The following ROBO2 variants were observed in gnomAD, a reference collection of about 807,000 sequenced individuals.
The protein encoded by ROBO2 is roundabout guidance receptor 2.
ROBO2 carries 53 observed loss-of-function variants against 160.8 expected under a neutral mutation model. That is an observed-to-expected ratio of 0.33 (90% confidence interval 0.26 to 0.41). The LOEUF (loss-of-function observed/expected upper bound fraction) is 0.41. ROBO2 is among the 10% of genes least tolerant of loss of function. ROBO2 has a pLI of 1.00. For synonymous variants in ROBO2, 664 were observed against 611.7 expected, an observed-to-expected ratio of 1.09 and a Z score of -1.26; for missense variants, 1,577 against 1,722.4, an observed-to-expected ratio of 0.92 and a Z score of 1.49.
At chr3:76,803,371 A>T (rs1230707962) in intron 2 of ROBO2, among the ~76,000 whole-genome samples, 8 of 149,904 alleles carry the variant, frequency 5.3e-5, no homozygotes, top group Non-Finnish European at 1.0e-4. Context: ...GAGGAAGAGG[A>T]GGAGGAGGAT....
chr3:77,614,845 G>A lies in ROBO2; in HGVS notation c.3294-2668G>A, dbSNP rs527843899. On this transcript the variant is annotated intron_variant, in intron 21 of 25. Coordinates refer to ENST00000461745, the Ensembl canonical transcript of ROBO2. ...CTTGTAGGGGCTGATAAGGCCTTCA[G>A]TGACCAGCCTATCCCTAACTCTCTT... Among the ~76,000 whole-genome samples, 3 of 152,288 alleles carry A rather than the reference G, an allele frequency of 2.0e-5. No individual in the cohort carries two copies. The South Asian group carries it at 6.2e-4, about 32-fold the overall frequency.
At chr3:76,357,932 TAAAGA>T (rs2075276477) in intron 2 of ROBO2, among the ~76,000 whole-genome samples, 1 of 150,840 alleles carries the variant, frequency 6.6e-6, no homozygotes, top group Admixed American at 6.6e-5. Flanking sequence ...TGCTTACCCA[TAAAGA>T]AAACAGTCAT....
intron 1 of ROBO2, among the ~76,000 whole-genome samples, chr3:75,918,195 T>G (rs1486172828): frequency 6.6e-6 from 1 of 152,236 alleles, no homozygotes; most frequent in African/African-American, 2.4e-5. Context: ...TAATCCACTT[T>G]GAGTTAATTC....
In ROBO2 at chr3:76,777,620, G is replaced by A. The variant is rs185508821; in HGVS notation, c.110-320394G>A. On this transcript the variant is annotated intron_variant, in intron 2 of 26. Coordinates refer to the ROBO2 transcript ENST00000487694. ...TTTCAGTAGTTATTTGTCCTACATT[G>A]TTAGTGACGTTCCTTATATCTTATT... 2.5e-4 allele frequency among the ~76,000 whole-genome samples: 37 copies of A among 150,032 alleles called. No individual in the cohort carries two copies. The East Asian group carries it at 7.0e-3, about 28-fold the overall frequency.
intron 2 of ROBO2, among the ~76,000 whole-genome samples, chr3:76,557,479 AAG>A (rs1194974425): frequency 2.0e-5 from 3 of 151,858 alleles, no homozygotes; most frequent in Non-Finnish European, 4.4e-5. Flanking sequence ...TCCTAACATA[AAG>A]ATCAAATGAA....
At chr3:76,418,567 G>C (rs2075855185) in intron 2 of ROBO2, among the ~76,000 whole-genome samples, 1 of 152,070 alleles carries the variant, frequency 6.6e-6, no homozygotes, top group African/African-American at 2.4e-5. Flanking sequence ...CTTTTGTTCT[G>C]TGTTGGCCCA....
At chr3:77,613,704 T>C (rs2094702294) in intron 21 of ROBO2, among the ~76,000 whole-genome samples, 1 of 152,202 alleles carries the variant, frequency 6.6e-6, no homozygotes, top group South Asian at 2.1e-4. Context: ...TTTAAGGTGT[T>C]ATATTAGATG....
chr3:77,270,470 G>A (rs2059414096), intron 2 of ROBO2, among the ~76,000 whole-genome samples: 1 of 152,052 alleles, frequency 6.6e-6, no homozygotes, highest in South Asian at 2.1e-4. Flanking sequence ...GAACTCAGTG[G>A]TTCAAACTGT....
At chr3:76,024,690 T>C (rs1213031587) in intron 2 of ROBO2, among the ~76,000 whole-genome samples, 1 of 151,650 alleles carries the variant, frequency 6.6e-6, no homozygotes, top group East Asian at 1.9e-4. Context: ...AGTAATAATG[T>C]TTAAAATGCA....
chr3:76,908,796 A>G (rs950323955), intron 2 of ROBO2, among the ~76,000 whole-genome samples: 6 of 152,212 alleles, frequency 3.9e-5, no homozygotes, highest in Non-Finnish European at 7.3e-5. Flanking sequence ...CCTGTTTACT[A>G]GGTGGGTTGA....
At chr3:76,991,525 A>G (rs1044221463) in intron 2 of ROBO2, among the ~76,000 whole-genome samples, 5 of 152,156 alleles carry the variant, frequency 3.3e-5, no homozygotes, top group African/African-American at 9.7e-5. Context: ...TGTATAAGTC[A>G]TGGTTCCACA....
At chr3:77,572,626 C>T (rs556537657) in intron 13 of ROBO2, among the ~76,000 whole-genome samples, 5 of 124,700 alleles carry the variant, frequency 4.0e-5, no homozygotes, top group South Asian at 2.7e-4. Context: ...TGGAATTAGC[C>T]GTACATAGAA....
intron 2 of ROBO2, among the ~76,000 whole-genome samples, chr3:76,216,497 A>G (rs1703540876): frequency 6.6e-6 from 1 of 152,168 alleles, no homozygotes; most frequent in Non-Finnish European, 1.5e-5. Flanking sequence ...AGAAAAAGAC[A>G]TGGGTTGCAA....
chr3:76,325,597 G>C (rs1164646197), intron 2 of ROBO2, among the ~76,000 whole-genome samples: 1 of 152,004 alleles, frequency 6.6e-6, no homozygotes, highest in East Asian at 1.9e-4. Context: ...TAATTTGTTT[G>C]CATTTTAATC....
intron 2 of ROBO2, among the ~76,000 whole-genome samples, chr3:76,543,467 T>A (rs1378206698): frequency 6.6e-6 from 1 of 152,094 alleles, no homozygotes; most frequent in African/African-American, 2.4e-5. Flanking sequence ...TCAGAAACCT[T>A]AGAATCATCT....
At chr3:76,567,941 T>C (rs760957335) in intron 2 of ROBO2, among the ~76,000 whole-genome samples, 1 of 149,490 alleles carries the variant, frequency 6.7e-6, no homozygotes, top group Non-Finnish European at 1.5e-5. Context: ...CAGCCTTCTG[T>C]GTAGCTGGGA....
chr3:77,063,484 A>C (rs1224916724), intron 1 of ROBO2, among the ~76,000 whole-genome samples: 3 of 152,200 alleles, frequency 2.0e-5, no homozygotes, highest in African/African-American at 7.2e-5. Context: ...GCTGCAAGAC[A>C]GGGAAGCTGA....
intron 2 of ROBO2, among the ~76,000 whole-genome samples, chr3:76,818,287 T>C (rs1486270761): frequency 6.6e-6 from 1 of 152,060 alleles, no homozygotes; most frequent in Admixed American, 6.6e-5. Context: ...CATTTGTATA[T>C]CTTGTTTTGA....
At chr3:76,627,371 G>A (rs1452379170) in intron 2 of ROBO2, among the ~76,000 whole-genome samples, 2 of 152,166 alleles carry the variant, frequency 1.3e-5, no homozygotes, top group Admixed American at 1.3e-4. Flanking sequence ...GTTCCAGAGA[G>A]AGCCAGAGAA....
Sources: allele counts gnomAD v4.1 joint callset (sites outside exome capture counted in the v4.1 genomes callset), GRCh38; gene constraint gnomAD v4.1.1; transcripts MANE v1.5; gene names NCBI Gene and HGNC (gene_info 2026-07-23, HGNC 2026-07-21).